The following NAA15 variants were observed in gnomAD, a reference collection of about 807,000 sequenced individuals.
NAA15 encodes N-terminal acetyltransferase.
NAA15 carries 34 observed loss-of-function variants against 114.0 expected under a neutral mutation model. The ratio of observed to expected loss-of-function variants is 0.30; its 90% confidence interval spans 0.23 to 0.40. The LOEUF (loss-of-function observed/expected upper bound fraction) is 0.40. Among genes scored for constraint, NAA15 ranks in the 10% least tolerant of loss-of-function variants. NAA15 has a pLI of 1.00. For missense variants in NAA15, 658 were observed against 1,004.5 expected, an observed-to-expected ratio of 0.66 and a Z score of 4.66; for synonymous variants, 340 against 338.0, an observed-to-expected ratio of 1.01 and a Z score of -0.06.
At chr4:139,387,624 C>T (rs919723914) in intron 19 of NAA15, among the ~76,000 whole-genome samples, 5 of 152,186 alleles carry the variant, frequency 3.3e-5, no homozygotes, top group African/African-American at 1.2e-4. Context: ...ACTCCATATA[C>T]CTTGCTTGCC....
chr4:139,343,286 C>T (rs1371402596), intron 5 of NAA15, among the ~76,000 whole-genome samples: 1 of 152,038 alleles, frequency 6.6e-6, no homozygotes, highest in Non-Finnish European at 1.5e-5. Flanking sequence ...TTTCAGTTCT[C>T]TAGATAGTAT....
chr4:139,324,273 C>A (rs1466648020), intron 1 of NAA15, among the ~76,000 whole-genome samples: 1 of 152,140 alleles, frequency 6.6e-6, no homozygotes, highest in Non-Finnish European at 1.5e-5. Context: ...AAAACAATAG[C>A]CTGCATTATT....
intron 14 of NAA15, 87 bp downstream of exon 14, chr4:139,362,024 T>C: frequency 2.4e-6 from 2 of 848,894 alleles, no homozygotes; most frequent in Non-Finnish European, 3.6e-6. Flanking sequence ...TATTGCTCCA[T>C]GTCTTGAGCA....
At chr4:139,332,639 G>T (rs538900994) in intron 1 of NAA15, among the ~76,000 whole-genome samples, 1 of 139,536 alleles carries the variant, frequency 7.2e-6, no homozygotes, top group South Asian at 2.4e-4. Context: ...CTGGAGTGTG[G>T]TGGTGCGATC....
At chr4:139,314,397 T>A (rs1033590960) in intron 1 of NAA15, among the ~76,000 whole-genome samples, 1 of 151,896 alleles carries the variant, frequency 6.6e-6, no homozygotes, top group African/African-American at 2.4e-5. Context: ...AACATGAAAT[T>A]TAAAATGTTA....
At chr4:139,387,045 A>G (rs1748930150) in intron 19 of NAA15, among the ~76,000 whole-genome samples, 1 of 152,224 alleles carries the variant, frequency 6.6e-6, no homozygotes, top group African/African-American at 2.4e-5. Context: ...TTAATAGCAA[A>G]TGAAGGCAGT....
chr4:139,371,499 A>ACG (rs1315720604), intron 15 of NAA15, among the ~76,000 whole-genome samples: 1 of 92,764 alleles, frequency 1.1e-5, no homozygotes, highest in Non-Finnish European at 1.9e-5. Context: ...GAAAAGTAGC[A>ACG]CACACACACA....
chr4:139,349,080 C>T (rs989589565), intron 6 of NAA15, among the ~76,000 whole-genome samples: 1 of 152,132 alleles, frequency 6.6e-6, no homozygotes, highest in Admixed American at 6.5e-5. Context: ...ATTAAGGGAT[C>T]ATAAGGTTAG....
chr4:139,327,163 C>G (rs1746829977), intron 1 of NAA15, among the ~76,000 whole-genome samples: 1 of 152,120 alleles, frequency 6.6e-6, no homozygotes, highest in African/African-American at 2.4e-5. Flanking sequence ...TCTTGAACTC[C>G]TGGGCTCAAG....
At position 139,387,956 on chromosome 4, in the gene NAA15, A is replaced by G. The variant is rs2111013351; in HGVS notation, c.2473A>G (p.Arg825Gly). ...GDCKEAAEIYRANCHKLFPYA... is the reference protein window; with the variant it reads ...GDCKEAAEIYGANCHKLFPYA... ...CTGTAAAGAAGCTGCTGAAATTTAT[A>G]GAGCAAATTGTCATAAGCTTTTCCC... The change falls in exon 20 of 20, where the codon AGA becomes GGA. Residue 825 changes from arginine (R) to glycine (G), a missense_variant. This residue lies in a region of NAA15 where 275 missense variants were observed against 371.1 expected (regional missense o/e 0.74). Transcript: ENST00000296543. The G allele has an allele frequency of 1.2e-6, 2 of 1,614,064 alleles. No individual in the cohort carries two copies. The highest frequency in any genetic ancestry group is 1.7e-6 in the Non-Finnish European group (2 of 1,179,950).
Position 139,344,669 on chromosome 4 carries a change from C to T in NAA15, c.691+330C>T, listed in dbSNP as rs141574757. Among the ~76,000 whole-genome samples, 24 of 152,188 alleles carry T rather than the reference C, an allele frequency of 1.6e-4. No homozygotes were observed. The East Asian group carries it at 4.0e-3, about 26-fold the overall frequency. On this transcript the variant is annotated intron_variant, in intron 6 of 19. Transcript: ENST00000296543. ...ATTAGTTTTATAAGACAGAGGATGA[C>T]ATTTCTTAGAAACAGTTTATTAATA...
chr4:139,325,227 T>TTGTCC (rs1746758224), intron 1 of NAA15, among the ~76,000 whole-genome samples: 1 of 152,224 alleles, frequency 6.6e-6, no homozygotes, highest in Non-Finnish European at 1.5e-5. Flanking sequence ...CATTTGATTA[T>TTGTCC]AAGACTGGGT....
intron 9 of NAA15, among the ~76,000 whole-genome samples, chr4:139,353,010 G>T (rs1747831849): frequency 6.6e-6 from 1 of 152,034 alleles, no homozygotes; most frequent in South Asian, 2.1e-4. Context: ...GTCAGACTTT[G>T]ATGTTTATGA....
At chr4:139,338,994 A>G (rs1747291140) in intron 3 of NAA15, among the ~76,000 whole-genome samples, 1 of 151,882 alleles carries the variant, frequency 6.6e-6, no homozygotes, top group Admixed American at 6.6e-5. Flanking sequence ...TATTTTTAGT[A>G]TAGACGAGAT....
intron 1 of NAA15, among the ~76,000 whole-genome samples, chr4:139,321,216 C>T (rs1746591607): frequency 6.6e-6 from 1 of 151,644 alleles, no homozygotes; most frequent in South Asian, 2.1e-4. Context: ...TAAATTTGCT[C>T]TTGTTTTTTC....
intron 2 of NAA15, among the ~76,000 whole-genome samples, chr4:139,335,729 A>G (rs1747179780): frequency 6.6e-6 from 1 of 151,484 alleles, no homozygotes; most frequent in Non-Finnish European, 1.5e-5. Flanking sequence ...ACCTGAATTC[A>G]GGTTGCATAT....
At chr4:139,323,375 G>A (rs1014641166) in intron 1 of NAA15, among the ~76,000 whole-genome samples, 3 of 152,042 alleles carry the variant, frequency 2.0e-5, no homozygotes, top group Admixed American at 6.5e-5. Context: ...TGTATTTTTA[G>A]TAGAGACGGG....
At chr4:139,352,324 G>A (rs1037466644) in intron 9 of NAA15, among the ~76,000 whole-genome samples, 37 of 152,182 alleles carry the variant, frequency 2.4e-4, no homozygotes, top group African/African-American at 8.4e-4. Flanking sequence ...GGCCAGGCTG[G>A]TCTTGAACTC....
chr4:139,307,859 C>G lies in NAA15; in HGVS notation c.54+6028C>G, dbSNP rs531916751. Among the ~76,000 whole-genome samples, 77 of 152,106 alleles carry G rather than the reference C, an allele frequency of 5.1e-4. 1 individual carries two copies. Among genetic ancestry groups the G allele is most frequent in the African/African-American group, 1.6e-3 (66 of 41,488 alleles). ...AACATCACACCTGCCTAGTGTTTAA[C>G]TATTTAGGGGAGGGGTGTAGGAGGA... On this transcript the variant is annotated intron_variant, in intron 1 of 19. Coordinates refer to ENST00000296543, the MANE Select transcript of NAA15 (RefSeq NM_057175.5).
Sources: gnomAD v4.1 joint callset for allele counts (sites outside exome capture counted in the v4.1 genomes callset) on GRCh38, gnomAD v4.1.1 for gene constraint, gnomAD v4.1.1 regional missense constraint, MANE v1.5 for transcripts, NCBI Gene and HGNC (gene_info 2026-07-23, HGNC 2026-07-21) for gene names.